BTBD1: variants seen among roughly 807,000 people sequenced by gnomAD.
The protein encoded by BTBD1 is BTB/POZ domain-containing protein 1.
BTBD1 carries 34 observed loss-of-function variants against 48.0 expected under a neutral mutation model. The ratio of observed to expected loss-of-function variants is 0.71; its 90% CI spans 0.54 to 0.94. The LOEUF is 0.94. BTBD1 is among the 40% of genes least tolerant of loss of function. The probability of loss-of-function intolerance (pLI) is 0.00; values close to 1 mark genes in which losing one functional copy is unlikely to be tolerated. For synonymous variants in BTBD1, 261 were observed against 242.1 expected, an observed-to-expected ratio of 1.08 and a Z score of -0.72; for missense variants, 543 against 625.6, an observed-to-expected ratio of 0.87 and a Z score of 1.41.
Position 83,066,753 on chromosome 15 carries a change from C to T in BTBD1, c.399G>A (p.Leu133=). The part of the protein sequence containing the change: ...DVEPAAFLAL[L]RFLYSDEVQI... ...GCCCGGCCCGCGCTGCCGCTCACCT[C>T]AGCAGCGCCAGGAAGGCTGCGGGCT... is the stretch of plus-strand genomic sequence containing the variant. Residue 133 remains leucine (L), a splice_region_variant and synonymous_variant, in exon 1 of 8, where the codon CTG becomes CTA. Transcript: ENST00000261721. 1 of 1,400,716 alleles carries T rather than the reference C, an allele frequency of 7.1e-7. No homozygotes were observed. 86.8% of individuals were successfully genotyped at this position (1,400,716 alleles called of 1,614,324 possible).
chr15:83,036,120 AAG>A (rs1491059231), intron 4 of BTBD1, among the ~76,000 whole-genome samples: 3 of 149,164 alleles, frequency 2.0e-5, no homozygotes, highest in Non-Finnish European at 3.0e-5. Context: ...AAAAAAAAAA[AAG>A]AATAATAGCT....
At chr15:83,025,990 C>T (rs11858074) in intron 5 of BTBD1, among the ~76,000 whole-genome samples, 19,398 of 152,004 alleles carry the variant, frequency 0.13, 1,296 homozygotes, top group Middle Eastern at 0.24. Context: ...AGGATGGTCT[C>T]GATCTCTTGA....
chr15:83,020,875 G>A (rs2032281547), intron 5 of BTBD1, 113 bp from the exon 6 acceptor site: 4 of 576,174 alleles, frequency 6.9e-6, no homozygotes, highest in Non-Finnish European at 1.2e-5. Context: ...TTATAAAAAG[G>A]AAAACAAATT....
At chr15:83,026,679 C>T (rs888473047) in intron 5 of BTBD1, among the ~76,000 whole-genome samples, 12 of 152,004 alleles carry the variant, frequency 7.9e-5, no homozygotes, top group Non-Finnish European at 1.8e-4. Flanking sequence ...TGTGCCCCCA[C>T]ACCTGGCTAA....
chr15:83,025,231 G>A (rs1169392917), intron 5 of BTBD1, among the ~76,000 whole-genome samples: 2 of 151,800 alleles, frequency 1.3e-5, no homozygotes, highest in Non-Finnish European at 2.9e-5. Context: ...GCAGACGCCT[G>A]TAATCCCAGC....
At chr15:83,065,615 G>A (rs868032077) in intron 1 of BTBD1, among the ~76,000 whole-genome samples, 5 of 152,270 alleles carry the variant, frequency 3.3e-5, no homozygotes, top group Middle Eastern at 3.4e-3. Flanking sequence ...GTTCTACTCA[G>A]GCAGCTATTT....
chr15:83,057,782 A>G (rs2033112776), intron 1 of BTBD1, among the ~76,000 whole-genome samples: 1 of 152,144 alleles, frequency 6.6e-6, no homozygotes, highest in Non-Finnish European at 1.5e-5. Flanking sequence ...TTTTCCTTAT[A>G]TGTCAGATGA....
chr15:83,026,039 G>A (rs1374394761), intron 5 of BTBD1, among the ~76,000 whole-genome samples: 1 of 152,144 alleles, frequency 6.6e-6, no homozygotes, highest in Non-Finnish European at 1.5e-5. Flanking sequence ...AAAGTGCTGG[G>A]ATTACAGGCA....
At position 83,023,838 on chromosome 15, in the gene BTBD1, T is replaced by C. The variant is rs1238125447; in HGVS notation, c.1056-3076A>G. ...TCATTTTCTTTTGCCTTTGAGAAAC[T>C]GATAGTGACAAACTCCATTTATATT... On this transcript the variant is annotated intron_variant, in intron 5 of 7. Coordinates refer to ENST00000261721, the MANE Select transcript of BTBD1 (RefSeq NM_025238.4). Among the ~76,000 whole-genome samples, 7 of 152,290 alleles carry C rather than the reference T, an allele frequency of 4.6e-5. No homozygotes were observed. In the East Asian group the frequency reaches 1.3e-3, roughly 29 times the overall value.
chr15:83,041,659 C>G, intron 4 of BTBD1, 69 bp downstream of exon 4: 2 of 1,464,184 alleles, frequency 1.4e-6, no homozygotes, highest in Non-Finnish European at 1.9e-6. Flanking sequence ...TAGGTGTGAG[C>G]CACCAGGCCC....
At chr15:83,035,804 T>C (rs1337017091) in intron 4 of BTBD1, among the ~76,000 whole-genome samples, 1 of 151,848 alleles carries the variant, frequency 6.6e-6, no homozygotes, top group Non-Finnish European at 1.5e-5. Context: ...AGGAGAAAAT[T>C]AATAATACAA....
At chr15:83,033,366 G>A (rs2032561492) in intron 4 of BTBD1, among the ~76,000 whole-genome samples, 1 of 151,980 alleles carries the variant, frequency 6.6e-6, no homozygotes, top group African/African-American at 2.4e-5. Flanking sequence ...GCACACATCT[G>A]GTCATACAGA....
At chr15:83,060,353 T>TA (rs2033156434) in intron 1 of BTBD1, among the ~76,000 whole-genome samples, 1 of 151,088 alleles carries the variant, frequency 6.6e-6, no homozygotes, top group Non-Finnish European at 1.5e-5. Context: ...CTTCGTATTT[T>TA]AAAGTGATCA....
intron 5 of BTBD1, chr15:83,024,177 TTTGA>T (rs2032359290): frequency 6.6e-6 from 1 of 152,184 alleles, no homozygotes; most frequent in Non-Finnish European, 1.5e-5. Context: ...AGCCTATTTA[TTTGA>T]TTATTAATGA....
chr15:83,020,698 T>C lies in BTBD1; in HGVS notation c.1120A>G (p.Thr374Ala), dbSNP rs1257531815. The change falls in exon 6 of 8, where the codon ACA (threonine) becomes GCA (alanine). Residue 374 changes from threonine (T) to alanine (A), a missense_variant. Around this residue, in one of 3 missense-constraint regions of BTBD1, gnomAD observed 300 missense variants for 350.0 expected, o/e 0.86. Transcript: ENST00000261721. ...FGLYGSIHGP[T>A]DYQVNIQIIE... ...ACCTGTATATTCACTTGATAATCTGTAGGGCCATGAATAGATCCATACAAG... is the reference window on the plus strand; with the variant it reads ...ACCTGTATATTCACTTGATAATCTGCAGGGCCATGAATAGATCCATACAAG... The C allele has an allele frequency of 6.2e-7, 1 of 1,601,864 alleles. No individual in the cohort carries two copies. The highest frequency in any genetic ancestry group is 1.7e-5 in the Admixed American group (1 of 59,812).
At chr15:83,050,029 T>C (rs367921963) in intron 3 of BTBD1, 44 bp downstream of exon 3, 4 of 1,229,318 alleles carry the variant, frequency 3.3e-6, no homozygotes, top group Non-Finnish European at 4.8e-6. Flanking sequence ...AGTAAGGCAT[T>C]AACTGTACTT....
intron 1 of BTBD1, among the ~76,000 whole-genome samples, chr15:83,064,185 T>TC (rs2033222752): frequency 6.6e-6 from 1 of 152,218 alleles, no homozygotes; most frequent in Non-Finnish European, 1.5e-5. Flanking sequence ...ACTAACCTGC[T>TC]CTTCCAACTT....
intron 2 of BTBD1, among the ~76,000 whole-genome samples, chr15:83,055,853 T>C (rs1028925150): frequency 2.0e-5 from 3 of 152,200 alleles, no homozygotes; most frequent in African/African-American, 7.2e-5. Flanking sequence ...CAATTCTAAA[T>C]AGTTATCTAA....
intron 2 of BTBD1, 142 bp downstream of exon 2, chr15:83,056,247 G>A (rs1018078162): frequency 3.5e-6 from 2 of 572,784 alleles, no homozygotes; most frequent in African/African-American, 3.7e-5. Flanking sequence ...TATCTGACAT[G>A]TTTCCCTGAT....
Sources: allele counts gnomAD v4.1 joint callset (sites outside exome capture counted in the v4.1 genomes callset), GRCh38; gene constraint gnomAD v4.1.1; regional missense constraint gnomAD v4.1.1; transcripts MANE v1.5; gene names NCBI Gene and HGNC (gene_info 2026-07-23, HGNC 2026-07-21).